The following KANSL1L variants were observed in gnomAD, a reference collection of about 807,000 sequenced individuals.
KANSL1L encodes the protein KAT8 regulatory NSL complex subunit 1-like protein.
In KANSL1L, 25 loss-of-function variants were observed where a neutral mutation model predicts 108.6. The observed-to-expected ratio is 0.23, with a 90% CI of 0.17 to 0.32. The LOEUF (loss-of-function observed/expected upper bound fraction) is 0.32, where lower values mean the gene tolerates loss of function less well. Among genes scored for constraint, KANSL1L ranks in the 10% least tolerant of loss-of-function variants. KANSL1L has a pLI of 1.00. For missense variants in KANSL1L, 1,137 were observed against 1,125.7 expected (o/e 1.01, Z -0.14); for synonymous variants, 405 against 395.1 (o/e 1.03, Z -0.30).
intron 1 of KANSL1L, among the ~76,000 whole-genome samples, chr2:210,166,796 G>A (rs950464779): frequency 2.0e-5 from 3 of 152,038 alleles, no homozygotes; most frequent in Non-Finnish European, 4.4e-5. Context: ...AGAGAGGGGA[G>A]AACCCTGAAG....
At chr2:210,027,386 A>G in intron 11 of KANSL1L, 36 bp from the exon 12 acceptor site, 1 of 1,481,074 alleles carries the variant, frequency 6.8e-7, no homozygotes, top group South Asian at 1.1e-5. Flanking sequence ...AACAGCTTTT[A>G]TTTATTTAAA....
chr2:210,127,731 C>A (rs2095079826), intron 3 of KANSL1L, among the ~76,000 whole-genome samples: 1 of 122,278 alleles, frequency 8.2e-6, no homozygotes, highest in South Asian at 2.7e-4. Context: ...CCCGGGAGGT[C>A]AAGGCTGCAG....
chr2:210,162,035 C>T (rs576762746), intron 1 of KANSL1L, among the ~76,000 whole-genome samples: 3 of 147,476 alleles, frequency 2.0e-5, no homozygotes, highest in South Asian at 2.1e-4. Context: ...GACCAGCCTG[C>T]GTAATATGGT....
intron 8 of KANSL1L, among the ~76,000 whole-genome samples, chr2:210,034,384 T>A (rs1200173753): frequency 2.0e-5 from 3 of 152,052 alleles, no homozygotes; most frequent in Non-Finnish European, 4.4e-5. Flanking sequence ...AGGAGGAGAA[T>A]AGCATGTACA....
intron 5 of KANSL1L, chr2:210,088,585 A>C (rs1386630434): frequency 6.6e-6 from 1 of 152,480 alleles, no homozygotes; most frequent in Non-Finnish European, 1.5e-5. Context: ...GTTGAGCCAC[A>C]GCAAATAACT....
At position 210,031,543 on chromosome 2, in the gene KANSL1L, T is replaced by G; in HGVS notation, c.2033A>C (p.His678Pro). The G allele has an allele frequency of 6.6e-7, 1 of 1,520,884 alleles. No homozygotes were observed. The highest frequency in any genetic ancestry group is 9.0e-7 in the Non-Finnish European group (1 of 1,113,458). 94.2% of individuals were successfully genotyped at this position (1,520,884 alleles called of 1,614,324 possible). Residue 678 changes from histidine to proline, a missense_variant, in exon 9 of 15, where the codon CAT (histidine) becomes CCT (proline). By Grantham distance (77) the His-to-Pro change is moderately conservative. This residue lies in a region of KANSL1L where 575 missense variants were observed against 567.1 expected (regional missense o/e 1.01). Transcript: ENST00000281772. ...ATTTCTCCATTGATTCAGAGTACTA[T>G]GTACTAAAACAAATGAAAAGGAAAT... ...DEYIISPSPVHSTLNQWRNGY... is the reference protein window; with the variant it reads ...DEYIISPSPVPSTLNQWRNGY...
chr2:210,120,490 T>C lies in KANSL1L; in HGVS notation c.1230+8541A>G, dbSNP rs575329320. On this transcript the variant is annotated intron_variant, in intron 3 of 14. Transcript: ENST00000281772. Reference sequence around the variant, plus strand: ...CCCCTCCTTACACCACATACAAAAATTAATTCAAGATGGATTAAAGCCTTA... The same window carrying C: ...CCCCTCCTTACACCACATACAAAAACTAATTCAAGATGGATTAAAGCCTTA... Among the ~76,000 whole-genome samples, 6 of 152,258 alleles carry C rather than the reference T, an allele frequency of 3.9e-5. No homozygotes were observed. In the East Asian group the frequency reaches 1.2e-3, roughly 29 times the overall value.
rs140398084 is a variant in KANSL1L at position 210,040,423 on chromosome 2, G to C, written c.2026C>G (p.Pro676Ala). 1.5e-6 allele frequency: 2 copies of C among 1,353,578 alleles called. No individual in the cohort carries two copies. Among genetic ancestry groups the C allele is most frequent in the Middle Eastern group, 1.8e-4 (1 of 5,548 alleles). The allele number at this position is 1,353,578 out of a possible 1,614,324, so 83.8% of individuals were successfully genotyped here. A position where few individuals can be genotyped will look rare whatever the true frequency, so the allele number is the denominator to read the frequency against. Residue 676 changes from proline to alanine, a missense_variant, in exon 8 of 15, where the codon CCT becomes GCT. Coordinates refer to ENST00000281772, the MANE Select transcript of KANSL1L (RefSeq NM_152519.4). ...FVDEYIISPSPVHSTLNQWRN... is the reference protein window; with the variant it reads ...FVDEYIISPSAVHSTLNQWRN... ...AAGAACTGTAAATGTGACATACCAGGTGATGGAGATATGATATATTCATCT... is the reference window on the plus strand; with the variant it reads ...AAGAACTGTAAATGTGACATACCAGCTGATGGAGATATGATATATTCATCT...
At chr2:210,086,577 G>A (rs998631226) in intron 5 of KANSL1L, among the ~76,000 whole-genome samples, 11 of 151,766 alleles carry the variant, frequency 7.2e-5, no homozygotes, top group African/African-American at 2.7e-4. Flanking sequence ...AATAGCAAGT[G>A]TGCAAACATG....
intron 2 of KANSL1L, among the ~76,000 whole-genome samples, chr2:210,143,886 TTAGAG>T (rs1049509079): frequency 1.3e-5 from 2 of 152,216 alleles, no homozygotes; most frequent in Admixed American, 6.5e-5. Context: ...ACCACCATTA[TTAGAG>T]TATTCTGAAT....
chr2:210,162,240 A>ATATATATATATATATATATG (rs1196823363), intron 1 of KANSL1L, among the ~76,000 whole-genome samples: 11 of 143,924 alleles, frequency 7.6e-5, no homozygotes, highest in African/African-American at 2.3e-4. Flanking sequence ...ATATATATAT[A>ATATATATATATATATATATG]TATGTATATC....
At chr2:210,115,615 T>G (rs2094946309) in intron 3 of KANSL1L, among the ~76,000 whole-genome samples, 1 of 152,212 alleles carries the variant, frequency 6.6e-6, no homozygotes, top group African/African-American at 2.4e-5. Context: ...CCAAAATGGC[T>G]GACAGAAGTT....
chr2:210,027,017 C>G (rs1323193016), intron 12 of KANSL1L, among the ~76,000 whole-genome samples: 1 of 152,286 alleles, frequency 6.6e-6, no homozygotes, highest in East Asian at 1.9e-4. Flanking sequence ...GTGATCCGCC[C>G]GTCTTGGCCT....
chr2:210,087,074 G>T (rs2125370149), intron 5 of KANSL1L, among the ~76,000 whole-genome samples: 1 of 150,890 alleles, frequency 6.6e-6, no homozygotes, highest in Non-Finnish European at 1.5e-5. Context: ...TGTCACCTAG[G>T]CTGGAGTGCA....
intron 12 of KANSL1L, among the ~76,000 whole-genome samples, chr2:210,027,017 C>T (rs1323193016): frequency 1.3e-5 from 2 of 152,170 alleles, no homozygotes; most frequent in Non-Finnish European, 1.5e-5. Flanking sequence ...GTGATCCGCC[C>T]GTCTTGGCCT....
At chr2:210,079,652 A>ATATATATATGTGTG (rs2094571465) in intron 5 of KANSL1L, among the ~76,000 whole-genome samples, 1 of 20,184 alleles carries the variant, frequency 5.0e-5, no homozygotes, top group Non-Finnish European at 9.5e-5. Context: ...ATATATATAT[A>ATATATATATGTGTG]TATATATATA....
chr2:210,164,438 G>A (rs1156676128), intron 1 of KANSL1L, among the ~76,000 whole-genome samples: 1 of 152,098 alleles, frequency 6.6e-6, no homozygotes, highest in Non-Finnish European at 1.5e-5. Context: ...TAATTGGGCA[G>A]GAGTATTTGG....
chr2:210,110,190 TG>T, intron 3 of KANSL1L, among the ~76,000 whole-genome samples: 1 of 152,342 alleles, frequency 6.6e-6, no homozygotes, highest in African/African-American at 2.4e-5. Flanking sequence ...TGCTTCCTTG[TG>T]GGGATTCTCA....
intron 5 of KANSL1L, among the ~76,000 whole-genome samples, chr2:210,090,544 T>G (rs1016316512): frequency 1.3e-5 from 2 of 152,178 alleles, no homozygotes; most frequent in African/African-American, 2.4e-5. Context: ...TTGTTGTTTT[T>G]GGGGGGTTTT....
Sources: allele counts gnomAD v4.1 joint callset (sites outside exome capture counted in the v4.1 genomes callset), GRCh38; gene constraint gnomAD v4.1.1; regional missense constraint gnomAD v4.1.1; transcripts MANE v1.5; gene names NCBI Gene and HGNC (gene_info 2026-07-23, HGNC 2026-07-21).